The following SINHCAF variants were observed in gnomAD, a reference collection of about 807,000 sequenced individuals.
The protein encoded by SINHCAF is SIN3-HDAC complex-associated factor.
In SINHCAF, 3 loss-of-function variants were observed where a neutral mutation model predicts 25.8. That is an observed-to-expected ratio of 0.12 (90% CI 0.05 to 0.30). SINHCAF has a LOEUF of 0.30. SINHCAF is among the 10% of genes least tolerant of loss of function. SINHCAF has a pLI of 1.00. For synonymous variants in SINHCAF, 70 were observed against 85.5 expected (o/e 0.82, Z 1.00); for missense variants, 121 against 262.3 (o/e 0.46, Z 3.72).
rs185509827 is a variant in SINHCAF, at chr12:31,293,394, G to A, written c.355+411C>T. Reference sequence around the variant, plus strand: ...AGGTTGGCTGAATTTCAATATGTGCGTTATGATTTCTAAAGTTACTTTCCA... The same window carrying A: ...AGGTTGGCTGAATTTCAATATGTGCATTATGATTTCTAAAGTTACTTTCCA... On this transcript the variant is annotated intron_variant, in intron 4 of 5. Coordinates refer to ENST00000337682, the MANE Select transcript of SINHCAF (RefSeq NM_001135812.2). 2.0e-4 allele frequency among the ~76,000 whole-genome samples: 31 copies of A among 152,242 alleles called. No homozygotes were observed. The East Asian group carries it at 4.2e-3, about 21-fold the overall frequency.
chr12:31,321,991 G>GGAAAAAAAAAAAAATT (rs1372710480), intron 1 of SINHCAF, among the ~76,000 whole-genome samples: 3 of 150,742 alleles, frequency 2.0e-5, no homozygotes, highest in Non-Finnish European at 4.4e-5. Context: ...CCACTCTGGG[G>GGAAAAAAAAAAAAATT]GAAAAAAAAA....
At position 31,325,292 on chromosome 12, in the gene SINHCAF, G is replaced by A. The variant is rs1269572435; in HGVS notation, c.-21+732C>T. 2.2e-6 allele frequency: 1 copy of A among 451,544 alleles called. No homozygotes were observed. Among genetic ancestry groups the A allele is most frequent in the South Asian group, 1.6e-5 (1 of 64,166 alleles). 28.0% of individuals were successfully genotyped at this position (451,544 alleles called of 1,614,324 possible). A position where few individuals can be genotyped will look rare whatever the true frequency, so the allele number is the denominator to read the frequency against. ...GAGGCTCTTGGGCGCGGTCCGAAGAGGGCAGGCGAGTGGAAGACGGGCTGT... is the reference window on the plus strand; with the variant it reads ...GAGGCTCTTGGGCGCGGTCCGAAGAAGGCAGGCGAGTGGAAGACGGGCTGT... On this transcript the variant is annotated intron_variant, in intron 1 of 5. Coordinates refer to ENST00000337682, the MANE Select transcript of SINHCAF (RefSeq NM_001135812.2). This position sits in a 1 kb window ranked among gnomAD's most constrained non-coding sequence, Gnocchi z 5.9.
At chr12:31,285,426 C>T (rs797008702) in intron 5 of SINHCAF, among the ~76,000 whole-genome samples, 1,652 of 150,752 alleles carry the variant, frequency 0.011, 16 homozygotes, top group East Asian at 0.035. Flanking sequence ...CATACACACA[C>T]ACACACACAC....
At chr12:31,302,561 G>A (rs140112614) in intron 1 of SINHCAF, among the ~76,000 whole-genome samples, 5 of 150,310 alleles carry the variant, frequency 3.3e-5, no homozygotes, top group Admixed American at 6.7e-5. Flanking sequence ...GAGGATGTGC[G>A]CCCAGGAAGC....
At chr12:31,294,553 G>A (rs991878759) in intron 3 of SINHCAF, among the ~76,000 whole-genome samples, 1 of 152,112 alleles carries the variant, frequency 6.6e-6, no homozygotes, top group Non-Finnish European at 1.5e-5. Context: ...CCCAGCCATT[G>A]ATCTCGCCCC....
chr12:31,311,224 T>C (rs2137120582), intron 1 of SINHCAF, among the ~76,000 whole-genome samples: 1 of 152,306 alleles, frequency 6.6e-6, no homozygotes, highest in Admixed American at 6.5e-5. Context: ...AGCCATCTTC[T>C]GAAAGCTGGG....
intron 4 of SINHCAF, among the ~76,000 whole-genome samples, chr12:31,291,636 C>T (rs1370554851): frequency 2.6e-5 from 4 of 152,144 alleles, no homozygotes; most frequent in Non-Finnish European, 4.4e-5. Flanking sequence ...TGGTGGCATG[C>T]ACCTGTAATC....
At chr12:31,308,506 C>G (rs1414638904) in intron 1 of SINHCAF, among the ~76,000 whole-genome samples, 1 of 152,110 alleles carries the variant, frequency 6.6e-6, no homozygotes, top group Non-Finnish European at 1.5e-5. Flanking sequence ...ACATGTTTGA[C>G]TTGAGAAAGA....
rs1592990781 is a variant in SINHCAF at position 31,317,725 on chromosome 12, T to C, written c.-21+8299A>G. ...GCTTAAATAAACTTCCTCAAAGACA[T>C]ACAGATGGAGAGATACAAATTAGAA... is the stretch of plus-strand genomic sequence containing the variant. On this transcript the variant is annotated intron_variant, in intron 1 of 5. Transcript: ENST00000337682. Among the ~76,000 whole-genome samples the C allele has an allele frequency of 3.3e-5, 5 of 151,742 alleles. No homozygotes were observed. The South Asian group carries it at 1.0e-3, about 32-fold the overall frequency.
intron 1 of SINHCAF, among the ~76,000 whole-genome samples, chr12:31,309,338 CCT>C (rs1040450123): frequency 2.0e-5 from 3 of 152,054 alleles, no homozygotes; most frequent in African/African-American, 7.2e-5. Context: ...AATAATAAAA[CCT>C]CTCTCAAGAT....
At chr12:31,298,326 A>T in intron 1 of SINHCAF, 102 bp from the exon 2 acceptor site, 1 of 1,398,698 alleles carries the variant, frequency 7.1e-7, no homozygotes, top group African/African-American at 1.4e-5. Flanking sequence ...ACTTGGTGTT[A>T]TATGACCAAG....
In SINHCAF at chr12:31,325,444, T is replaced by G. The variant is rs1163355954; in HGVS notation, c.-21+580A>C. On this transcript the variant is annotated intron_variant, in intron 1 of 5. Transcript: ENST00000337682. This position sits in a 1 kb window ranked among gnomAD's most constrained non-coding sequence, Gnocchi z 5.9. ...CCCCCAAAGGCCGATTTAAAGACCC[T>G]CGGCCGCCAGCTCGGAAGCGGATGG... The G allele has an allele frequency of 2.9e-6, 1 of 347,114 alleles. No homozygotes were observed. The highest frequency in any genetic ancestry group is 5.7e-6 in the Non-Finnish European group (1 of 174,328). 21.5% of individuals were successfully genotyped at this position (347,114 alleles called of 1,614,324 possible).
chr12:31,301,992 T>C (rs1160396194), intron 1 of SINHCAF, among the ~76,000 whole-genome samples: 2 of 152,220 alleles, frequency 1.3e-5, no homozygotes, highest in Non-Finnish European at 2.9e-5. Flanking sequence ...TTTGTTCAAA[T>C]GACACCATCA....
chr12:31,288,256 T>C (rs1938158602), intron 4 of SINHCAF, among the ~76,000 whole-genome samples: 2 of 152,084 alleles, frequency 1.3e-5, no homozygotes, highest in Non-Finnish European at 2.9e-5. Context: ...ACCTGATCTC[T>C]CTAGCAAAGA....
chr12:31,311,653 G>C, intron 1 of SINHCAF: 1 of 411,510 alleles, frequency 2.4e-6, no homozygotes. Flanking sequence ...TGAGAGAGCA[G>C]ATCCAACTGA....
At chr12:31,290,975 T>A (rs1272417071) in intron 4 of SINHCAF, among the ~76,000 whole-genome samples, 2 of 152,176 alleles carry the variant, frequency 1.3e-5, no homozygotes, top group African/African-American at 2.4e-5. Context: ...TGCCTCGGCC[T>A]CCCAAAGTGC....
intron 1 of SINHCAF, among the ~76,000 whole-genome samples, chr12:31,321,558 T>C (rs749105968): frequency 6.6e-6 from 1 of 152,202 alleles, no homozygotes; most frequent in Non-Finnish European, 1.5e-5. Flanking sequence ...ACTGGCTTAA[T>C]TACAACTTAT....
intron 1 of SINHCAF, among the ~76,000 whole-genome samples, chr12:31,310,224 GGGAT>G (rs894405491): frequency 2.0e-5 from 3 of 152,130 alleles, no homozygotes; most frequent in Admixed American, 2.0e-4. Flanking sequence ...CTTAAAGCAA[GGGAT>G]GGGTTTATTA....
intron 1 of SINHCAF, among the ~76,000 whole-genome samples, chr12:31,299,905 G>A (rs1047692302): frequency 6.6e-5 from 10 of 152,130 alleles, no homozygotes; most frequent in African/African-American, 2.2e-4. Context: ...AGCGTGTGAC[G>A]GTACTGAATG....
Sources: gnomAD v4.1 joint callset for allele counts (sites outside exome capture counted in the v4.1 genomes callset) on GRCh38, gnomAD v4.1.1 for gene constraint, Gnocchi (gnomAD v3.1) non-coding constraint, MANE v1.5 for transcripts, NCBI Gene and HGNC (gene_info 2026-07-23, HGNC 2026-07-21) for gene names.